Variants in FBXL20 observed in about 807,000 individuals in gnomAD.
FBXL20 encodes the protein F-box and leucine rich repeat protein 20.
Under a neutral mutation model 64.0 loss-of-function variants are expected in FBXL20, and 11 were observed. The observed-to-expected ratio is 0.17, with a 90% CI of 0.11 to 0.28. The LOEUF (loss-of-function observed/expected upper bound fraction) is 0.28. Among genes scored for constraint, FBXL20 ranks in the 10% least tolerant of loss-of-function variants. The pLI is 1.00. For missense variants in FBXL20, 303 were observed against 526.2 expected (o/e 0.58, Z 4.15); for synonymous variants, 184 against 189.0 (o/e 0.97, Z 0.22).
At chr17:39,401,317 G>A (rs774721230) in intron 1 of FBXL20, 44 bp downstream of exon 1, 1 of 1,612,034 alleles carries the variant, frequency 6.2e-7, no homozygotes, top group African/African-American at 1.3e-5. Context: ...ATTAGAGCGC[G>A]CGACCCGCCC....
intron 2 of FBXL20, among the ~76,000 whole-genome samples, chr17:39,326,926 G>A (rs975047532): frequency 2.0e-5 from 3 of 146,684 alleles, no homozygotes; most frequent in Non-Finnish European, 3.0e-5. Flanking sequence ...CTGTCACGCA[G>A]ACTGGAGTGC....
intron 13 of FBXL20, among the ~76,000 whole-genome samples, chr17:39,264,664 A>G (rs2072925955): frequency 6.6e-6 from 1 of 152,216 alleles, no homozygotes; most frequent in African/African-American, 2.4e-5. Context: ...AGCCTTAAAA[A>G]TTACCCCTTC....
rs1206116477 is a variant in FBXL20, at chr17:39,257,809, G to C, written c.*3651C>G. 1 of 152,656 alleles carries C rather than the reference G, an allele frequency of 6.6e-6. No homozygotes were observed. Among genetic ancestry groups the C allele is most frequent in the Non-Finnish European group, 1.5e-5 (1 of 68,068 alleles). The allele number at this position is 152,656 out of a possible 1,614,324, so 9.5% of individuals were successfully genotyped here. On this transcript the variant is annotated 3_prime_UTR_variant, in exon 15 of 15. Transcript: ENST00000264658. ...AAATCAGCAGCATTACTGAGGGTGA[G>C]ATGGAGGCTTTAAATAGAGGGAAAG...
chr17:39,386,663 T>C (rs970679447), intron 1 of FBXL20, among the ~76,000 whole-genome samples: 3 of 152,192 alleles, frequency 2.0e-5, no homozygotes, highest in African/African-American at 7.2e-5. Context: ...CTTAGACCTC[T>C]ATCTTATTTC....
intron 1 of FBXL20, among the ~76,000 whole-genome samples, chr17:39,392,199 G>A (rs185800474): frequency 9.0e-4 from 137 of 152,202 alleles, no homozygotes; most frequent in African/African-American, 3.1e-3. Flanking sequence ...CAGCACTTTG[G>A]GAGGCCAAGG....
chr17:39,334,099 A>G (rs34949957), intron 2 of FBXL20, among the ~76,000 whole-genome samples: 1 of 152,232 alleles, frequency 6.6e-6, no homozygotes, highest in Non-Finnish European at 1.5e-5. Flanking sequence ...AAGTAGACAT[A>G]GGAGACTCCA....
chr17:39,330,018 C>T (rs904213200), intron 2 of FBXL20, among the ~76,000 whole-genome samples: 1 of 151,898 alleles, frequency 6.6e-6, no homozygotes, highest in Non-Finnish European at 1.5e-5. Context: ...ATAGGATGGG[C>T]GCGGTGGCTC....
At chr17:39,321,089 A>G (rs927271778) in intron 2 of FBXL20, among the ~76,000 whole-genome samples, 6 of 152,200 alleles carry the variant, frequency 3.9e-5, no homozygotes, top group African/African-American at 1.4e-4. Flanking sequence ...CAAAATATAC[A>G]GTGAACATAA....
intron 8 of FBXL20, 86 bp from the exon 9 acceptor site, chr17:39,281,549 C>T: frequency 9.2e-7 from 1 of 1,092,536 alleles, no homozygotes; most frequent in South Asian, 1.4e-5. Flanking sequence ...TTCATTCATA[C>T]ATTCTAATAC....
At chr17:39,317,694 TTTTTTTG>T (rs2047308639) in intron 2 of FBXL20, among the ~76,000 whole-genome samples, 7 of 65,658 alleles carry the variant, frequency 1.1e-4, no homozygotes, top group African/African-American at 9.2e-4. Context: ...TTTTTGTTTT[TTTTTTTG>T]TTTTTTTTTT....
chr17:39,401,559 T>C lies in FBXL20; in HGVS notation c.-157A>G. On this transcript the variant is annotated 5_prime_UTR_variant, in exon 1 of 15. Coordinates refer to ENST00000264658, the MANE Select transcript of FBXL20 (RefSeq NM_032875.3). ...GAACAAGAGACCTCTCGGCTCCGGC[T>C]AGGCCTCCACCACCTCCCGCGGCGC... is the stretch of plus-strand genomic sequence containing the variant. 1.4e-6 allele frequency: 2 copies of C among 1,418,566 alleles called. No homozygotes were observed. Among genetic ancestry groups the C allele is most frequent in the Non-Finnish European group, 1.8e-6 (2 of 1,095,816 alleles). The allele number at this position is 1,418,566 out of a possible 1,614,324, so 87.9% of individuals were successfully genotyped here.
chr17:39,383,894 T>A (rs886372390), intron 1 of FBXL20, among the ~76,000 whole-genome samples: 4 of 151,470 alleles, frequency 2.6e-5, no homozygotes, highest in African/African-American at 9.7e-5. Context: ...CGGGCTACTT[T>A]GTTATGTTTT....
intron 2 of FBXL20, among the ~76,000 whole-genome samples, chr17:39,317,735 T>G (rs1225919920): frequency 7.9e-6 from 1 of 127,114 alleles, no homozygotes; most frequent in Non-Finnish European, 1.6e-5. Flanking sequence ...GGAGTCTCAC[T>G]CTGTCACCCA....
At chr17:39,360,833 A>G (rs539316077) in intron 1 of FBXL20, among the ~76,000 whole-genome samples, 1 of 152,284 alleles carries the variant, frequency 6.6e-6, no homozygotes, top group South Asian at 2.1e-4. Flanking sequence ...TCAGAGGCCA[A>G]TTCACATCCC....
chr17:39,315,467 T>C (rs1180261812), intron 2 of FBXL20, among the ~76,000 whole-genome samples: 1 of 150,374 alleles, frequency 6.7e-6, no homozygotes, highest in Non-Finnish European at 1.5e-5. Flanking sequence ...TTCCTTTCCT[T>C]TGTTGAAAGA....
intron 10 of FBXL20, among the ~76,000 whole-genome samples, chr17:39,273,548 C>CTGGG (rs1465029673): frequency 6.6e-6 from 1 of 151,480 alleles, no homozygotes; most frequent in East Asian, 2.0e-4. Context: ...AGTAACAAGG[C>CTGGG]TGGGTGTGGT....
chr17:39,313,000 CCT>C (rs1319471049), intron 2 of FBXL20, among the ~76,000 whole-genome samples: 2 of 147,066 alleles, frequency 1.4e-5, no homozygotes, highest in African/African-American at 2.6e-5. Flanking sequence ...CTCACTGCAA[CCT>C]CTGTCTCCCG....
rs560194948 is a variant in FBXL20 at position 39,326,598 on chromosome 17, C to T, written c.104+16582G>A. Among the ~76,000 whole-genome samples the T allele has an allele frequency of 5.9e-5, 9 of 151,410 alleles. No homozygotes were observed. The South Asian group carries it at 1.3e-3, about 21-fold the overall frequency. ...AATCACGCCAATGCACTCCAGCCTGCGTGACAGAGCAAGACCCTATTTAAA... is the reference window on the plus strand; with the variant it reads ...AATCACGCCAATGCACTCCAGCCTGTGTGACAGAGCAAGACCCTATTTAAA... On this transcript the variant is annotated intron_variant, in intron 2 of 14. Coordinates refer to ENST00000264658, the MANE Select transcript of FBXL20 (RefSeq NM_032875.3).
intron 1 of FBXL20, among the ~76,000 whole-genome samples, chr17:39,390,042 A>G (rs572385636): frequency 1.3e-5 from 2 of 152,292 alleles, no homozygotes; most frequent in East Asian, 3.9e-4. Flanking sequence ...CAATGAGTAC[A>G]ATAATAGTTG....
Sources: allele counts gnomAD v4.1 joint callset (sites outside exome capture counted in the v4.1 genomes callset), GRCh38; gene constraint gnomAD v4.1.1; transcripts MANE v1.5; gene names NCBI Gene and HGNC (gene_info 2026-07-23, HGNC 2026-07-21).